The following CNTN4 variants were observed in gnomAD, a reference collection of about 807,000 sequenced individuals.
CNTN4 encodes the protein contactin 4, also known as contactin-4.
Under a neutral mutation model 122.5 loss-of-function variants are expected in CNTN4, and 77 were observed. The ratio of observed to expected loss-of-function variants is 0.63; its 90% CI spans 0.52 to 0.76. The LOEUF is 0.76. CNTN4 is among the 30% of genes least tolerant of loss of function. CNTN4 has a pLI of 0.00. For synonymous variants in CNTN4, 512 were observed against 447.0 expected, an observed-to-expected ratio of 1.15 and a Z score of -1.83; for missense variants, 1,256 against 1,259.1, an observed-to-expected ratio of 1.00 and a Z score of 0.04.
chr3:2,801,530 C>A (rs2728086), intron 6 of CNTN4, among the ~76,000 whole-genome samples: 137,140 of 152,188 alleles, frequency 0.9, 63,529 homozygotes, highest in East Asian at 1. Flanking sequence ...CCCTATTATG[C>A]ATCTTGGTAA....
intron 14 of CNTN4, among the ~76,000 whole-genome samples, chr3:3,001,386 A>T (rs1234306141): frequency 6.6e-6 from 1 of 152,200 alleles, no homozygotes; most frequent in Admixed American, 6.5e-5. Flanking sequence ...TCACTGGATA[A>T]GGAGTGAGTA....
chr3:2,242,898 C>T (rs2149622925), intron 2 of CNTN4, among the ~76,000 whole-genome samples: 1 of 152,192 alleles, frequency 6.6e-6, no homozygotes, highest in East Asian at 1.9e-4. Context: ...TCAAAATCTA[C>T]TGATATAGAT....
intron 2 of CNTN4, among the ~76,000 whole-genome samples, chr3:2,114,882 A>G (rs2033233243): frequency 6.6e-6 from 1 of 152,232 alleles, no homozygotes; most frequent in South Asian, 2.1e-4. Flanking sequence ...CTTTGCTAAT[A>G]ACATTTGCTG....
At chr3:2,187,589 G>A (rs897861007) in intron 2 of CNTN4, among the ~76,000 whole-genome samples, 1 of 151,996 alleles carries the variant, frequency 6.6e-6, no homozygotes, top group Non-Finnish European at 1.5e-5. Flanking sequence ...TGCCCTTTTG[G>A]CCCCCATTTT....
chr3:2,964,349 A>G (rs1443098861), intron 13 of CNTN4, among the ~76,000 whole-genome samples: 4 of 152,162 alleles, frequency 2.6e-5, no homozygotes, highest in African/African-American at 9.7e-5. Flanking sequence ...TTAATTATGA[A>G]TATCCAATGT....
intron 3 of CNTN4, among the ~76,000 whole-genome samples, chr3:2,548,113 C>A (rs543805157): frequency 6.6e-6 from 1 of 152,204 alleles, no homozygotes; most frequent in Admixed American, 6.5e-5. Flanking sequence ...AATTTTCTCC[C>A]ATTCTGTAGG....
At position 2,967,380 on chromosome 3, in the gene CNTN4, A is replaced by G. The variant is rs374873939; in HGVS notation, c.1359-20965A>G. ...TCCCCAAGAGCAGTTTGGGGAGGGA[A>G]GAATCTTGTAGCCTCTGGCCTCACG... On this transcript the variant is annotated intron_variant, in intron 13 of 24. Coordinates refer to ENST00000418658, the MANE Select transcript of CNTN4 (RefSeq NM_175607.3). Among the ~76,000 whole-genome samples the G allele has an allele frequency of 4.6e-5, 7 of 152,272 alleles. No individual in the cohort carries two copies. The East Asian group carries it at 1.2e-3, about 25-fold the overall frequency.
intron 10 of CNTN4, among the ~76,000 whole-genome samples, chr3:2,893,780 T>C (rs1463096320): frequency 6.6e-6 from 1 of 152,194 alleles, no homozygotes; most frequent in Non-Finnish European, 1.5e-5. Flanking sequence ...CCAATGAATA[T>C]TGTTTAAATT....
intron 4 of CNTN4, among the ~76,000 whole-genome samples, chr3:2,645,207 G>T (rs922106594): frequency 1.3e-5 from 2 of 151,836 alleles, no homozygotes; most frequent in Non-Finnish European, 2.9e-5. Flanking sequence ...AATCTATTGT[G>T]CTCTGGGGAA....
chr3:2,266,675 T>A (rs1391625626), intron 2 of CNTN4, among the ~76,000 whole-genome samples: 1 of 152,076 alleles, frequency 6.6e-6, no homozygotes. Flanking sequence ...GAATTTATAA[T>A]GTCTTCTATG....
At chr3:2,134,074 T>C (rs1217574572) in intron 2 of CNTN4, among the ~76,000 whole-genome samples, 1 of 152,144 alleles carries the variant, frequency 6.6e-6, no homozygotes, top group Non-Finnish European at 1.5e-5. Context: ...CTTCACTTAT[T>C]GGAAAAGACT....
intron 2 of CNTN4, among the ~76,000 whole-genome samples, chr3:2,336,090 A>C (rs1271346973): frequency 1.3e-5 from 2 of 152,154 alleles, no homozygotes; most frequent in African/African-American, 4.8e-5. Flanking sequence ...TATGCTAAAG[A>C]CATGTGCTGA....
intron 3 of CNTN4, among the ~76,000 whole-genome samples, chr3:2,345,982 G>C (rs145814209): frequency 2.0e-5 from 3 of 152,182 alleles, no homozygotes; most frequent in African/African-American, 7.2e-5. Context: ...TTTAGTTTAG[G>C]TGTATCTCCT....
At chr3:2,566,027 A>C (rs2079144585) in intron 3 of CNTN4, among the ~76,000 whole-genome samples, 1 of 152,226 alleles carries the variant, frequency 6.6e-6, no homozygotes, top group Non-Finnish European at 1.5e-5. Flanking sequence ...CTGAATTAAC[A>C]CTAGTGAAAC....
intron 3 of CNTN4, among the ~76,000 whole-genome samples, chr3:2,473,005 A>G (rs1575709091): frequency 6.6e-6 from 1 of 152,150 alleles, no homozygotes; most frequent in East Asian, 1.9e-4. Context: ...AGGCCGAAGC[A>G]GGTGGATCAC....
intron 4 of CNTN4, among the ~76,000 whole-genome samples, chr3:2,642,965 G>A (rs1051399910): frequency 4.6e-5 from 7 of 152,110 alleles, no homozygotes; most frequent in African/African-American, 1.7e-4. Flanking sequence ...ACAGGGCAGT[G>A]GGGATGGTAA....
chr3:2,512,390 T>C (rs528075381), intron 3 of CNTN4, among the ~76,000 whole-genome samples: 17 of 152,290 alleles, frequency 1.1e-4, no homozygotes, highest in African/African-American at 4.1e-4. Flanking sequence ...TTAAATTTGG[T>C]TCATTTATCT....
chr3:2,361,840 C>T (rs765157991), intron 3 of CNTN4, among the ~76,000 whole-genome samples: 2 of 152,204 alleles, frequency 1.3e-5, no homozygotes, highest in Non-Finnish European at 2.9e-5. Context: ...AGGATAGACA[C>T]ATTGTTCTCA....
intron 13 of CNTN4, among the ~76,000 whole-genome samples, chr3:2,955,282 C>T (rs1414513711): frequency 6.6e-6 from 1 of 152,160 alleles, no homozygotes; most frequent in Non-Finnish European, 1.5e-5. Flanking sequence ...CTAAAGTGCA[C>T]CTAAATCTTA....
Sources: gnomAD v4.1 joint callset for allele counts (sites outside exome capture counted in the v4.1 genomes callset) on GRCh38, gnomAD v4.1.1 for gene constraint, MANE v1.5 for transcripts, NCBI Gene and HGNC (gene_info 2026-07-23, HGNC 2026-07-21) for gene names.